The following SLC23A2 variants were observed in gnomAD, a reference collection of about 807,000 sequenced individuals.
SLC23A2 encodes solute carrier family 23 member 2, also known as Na(+)/L-ascorbic acid transporter 2.
Under a neutral mutation model 73.3 loss-of-function variants are expected in SLC23A2, and 36 were observed. The observed-to-expected ratio is 0.49, with a 90% CI of 0.38 to 0.65. The LOEUF is 0.65. Ranked by LOEUF, SLC23A2 falls within the 30% of genes least tolerant of loss-of-function variation. The pLI is 0.00. For missense variants in SLC23A2, 507 were observed against 841.6 expected (o/e 0.60, Z 4.92); for synonymous variants, 343 against 327.3 (o/e 1.05, Z -0.52).
Position 4,857,283 on chromosome 20 carries a change from TACACACACACACACAC to T in SLC23A2, c.1721-95_1721-80del, listed in dbSNP as rs398035250. On this transcript the variant is annotated intron_variant, in intron 16 of 16. Coordinates refer to ENST00000338244, the MANE Select transcript of SLC23A2 (RefSeq NM_005116.6). The surrounding 1 kb of genome is among the most constrained non-coding windows in gnomAD (Gnocchi z 4.0). ...GAAAATGAAACTGTCGTCAAACACA[TACACACACACACACAC>T]ACACACACACACACACACACACACA... 0.089 allele frequency: 37,233 copies of T among 420,422 alleles called. 601 individuals carry two copies. Among genetic ancestry groups the T allele is most frequent in the African/African-American group, 0.097 (4,444 of 45,600 alleles). The allele number at this position is 420,422 out of a possible 1,614,324, so 26.0% of individuals were successfully genotyped here.
chr20:4,880,617 A>G (rs146461770), intron 9 of SLC23A2, among the ~76,000 whole-genome samples: 73 of 152,190 alleles, frequency 4.8e-4, no homozygotes, highest in African/African-American at 1.6e-3. Context: ...AGAGATAGAA[A>G]ACAGGAGAGG....
chr20:4,944,803 CA>C (rs1295169740), intron 2 of SLC23A2, among the ~76,000 whole-genome samples: 1 of 152,206 alleles, frequency 6.6e-6, no homozygotes, highest in Non-Finnish European at 1.5e-5. Flanking sequence ...AAGCACATTT[CA>C]AAAGCCAATC....
At chr20:4,888,591 T>A (rs1931195049) in intron 6 of SLC23A2, among the ~76,000 whole-genome samples, 1 of 152,156 alleles carries the variant, frequency 6.6e-6, no homozygotes, top group Non-Finnish European at 1.5e-5. Context: ...CTTACTTTAT[T>A]CAAAACCCTG....
In SLC23A2 at chr20:4,869,789, G is replaced by T; in HGVS notation, c.1250+117C>A. On this transcript the variant is annotated intron_variant, in intron 12 of 16. Transcript: ENST00000338244. ...TGCATCAAACAGTCGCTAGAGTCCT[G>T]CTGCTTGGCTGGGCTCCTGCTGAAA... 4.6e-6 allele frequency: 4 copies of T among 864,764 alleles called. No individual in the cohort carries two copies. The South Asian group carries it at 7.1e-5, about 15-fold the overall frequency. 53.6% of individuals were successfully genotyped at this position (864,764 alleles called of 1,614,324 possible). A position where few individuals can be genotyped will look rare whatever the true frequency, so the allele number is the denominator to read the frequency against.
At chr20:4,894,022 G>A (rs1209018884) in intron 6 of SLC23A2, among the ~76,000 whole-genome samples, 1 of 152,174 alleles carries the variant, frequency 6.6e-6, no homozygotes, top group Non-Finnish European at 1.5e-5. Flanking sequence ...AATGACGGCT[G>A]CAGGCTGGCT....
Position 4,893,756 on chromosome 20 carries a change from C to G in SLC23A2, c.482+5799G>C, listed in dbSNP as rs145353721. 2.2e-3 allele frequency among the ~76,000 whole-genome samples: 336 copies of G among 152,342 alleles called. 2 individuals carry two copies. Among genetic ancestry groups the G allele is most frequent in the African/African-American group, 7.8e-3 (323 of 41,578 alleles). On this transcript the variant is annotated intron_variant, in intron 6 of 16. Transcript: ENST00000338244. ...ACATGAACATGCTGTGTGCCTACAG[C>G]AGGCCTGAGAACGGCCAGGAGGGCT...
rs1429037874 is a variant in SLC23A2, at chr20:4,947,784, A to G, written c.-154-15068T>C. On this transcript the variant is annotated intron_variant, in intron 2 of 16. Coordinates refer to ENST00000338244, the MANE Select transcript of SLC23A2 (RefSeq NM_005116.6). This position sits in a 1 kb window ranked among gnomAD's most constrained non-coding sequence, Gnocchi z 4.4. ...AACGAGACTCTGAAGAAAAGGCCAA[A>G]AGACCAGAATAGGCCTGAGAAGGTC... Among the ~76,000 whole-genome samples the G allele has an allele frequency of 6.6e-6, 1 of 152,254 alleles. No individual in the cohort carries two copies. Among genetic ancestry groups the G allele is most frequent in the Non-Finnish European group, 1.5e-5 (1 of 68,042 alleles).
intron 3 of SLC23A2, among the ~76,000 whole-genome samples, chr20:4,920,728 C>G (rs1209435692): frequency 6.6e-6 from 1 of 152,172 alleles, no homozygotes; most frequent in East Asian, 1.9e-4. Context: ...TCTGTAGATA[C>G]AGACACTTCC....
chr20:4,920,958 G>A (rs967934124), intron 3 of SLC23A2, among the ~76,000 whole-genome samples: 2 of 152,182 alleles, frequency 1.3e-5, no homozygotes, highest in Non-Finnish European at 2.9e-5. Context: ...AAGGGGCTAG[G>A]GAGAAGAATA....
At chr20:4,958,308 TC>T (rs1017472854) in intron 2 of SLC23A2, among the ~76,000 whole-genome samples, 4 of 152,186 alleles carry the variant, frequency 2.6e-5, no homozygotes, top group African/African-American at 9.6e-5. Context: ...TTTCTGCACT[TC>T]TCTTTTTAGT....
chr20:4,880,227 T>C (rs1462083193), intron 9 of SLC23A2, among the ~76,000 whole-genome samples: 1 of 152,222 alleles, frequency 6.6e-6, no homozygotes, highest in African/African-American at 2.4e-5. Context: ...TGCAAGTTAG[T>C]GCATATAGTC....
intron 1 of SLC23A2, among the ~76,000 whole-genome samples, chr20:4,987,802 C>G (rs539548236): frequency 6.6e-6 from 1 of 151,268 alleles, no homozygotes; most frequent in Admixed American, 6.6e-5. Context: ...GAGCCGATCA[C>G]GCCACTGTGC....
chr20:4,925,867 C>T (rs140609753), intron 3 of SLC23A2, among the ~76,000 whole-genome samples: 1,563 of 152,252 alleles, frequency 0.01, 26 homozygotes, highest in African/African-American at 0.028. Context: ...TTCATCTGAC[C>T]GGCAAGGCCC....
chr20:4,992,692 T>G (rs2087947642), intron 1 of SLC23A2, among the ~76,000 whole-genome samples: 1 of 151,708 alleles, frequency 6.6e-6, no homozygotes. Context: ...GTATTTTTAG[T>G]AGAGACGGGG....
chr20:4,974,321 G>A (rs1013898713), intron 1 of SLC23A2, among the ~76,000 whole-genome samples: 1 of 152,018 alleles, frequency 6.6e-6, no homozygotes, highest in Non-Finnish European at 1.5e-5. Flanking sequence ...TACAAAATTA[G>A]CCAGGCATGG....
At chr20:4,966,653 C>T (rs1300068986) in intron 2 of SLC23A2, among the ~76,000 whole-genome samples, 4 of 151,980 alleles carry the variant, frequency 2.6e-5, no homozygotes, top group African/African-American at 9.7e-5. Flanking sequence ...AATGTAGCTA[C>T]CTCAAAATTA....
intron 6 of SLC23A2, among the ~76,000 whole-genome samples, chr20:4,890,912 T>G (rs936951804): frequency 2.0e-5 from 3 of 152,196 alleles, no homozygotes; most frequent in African/African-American, 7.2e-5. Context: ...TAAAAACCTA[T>G]GTCTATCAAT....
intron 2 of SLC23A2, among the ~76,000 whole-genome samples, chr20:4,952,103 C>CAAAAAAAAAAAAAAAAAA (rs57832305): frequency 4.9e-5 from 2 of 40,534 alleles, no homozygotes; most frequent in Non-Finnish European, 9.7e-5. Flanking sequence ...GACTCTGACT[C>CAAAAAAAAAAAAAAAAAA]AAAAAAAAAA....
In SLC23A2 at chr20:4,856,817, C is replaced by T; in HGVS notation, c.*155G>A. The T allele has an allele frequency of 1.6e-6, 1 of 612,436 alleles. No individual in the cohort carries two copies. 37.9% of individuals were successfully genotyped at this position (612,436 alleles called of 1,614,324 possible). ...GGCGAGACACCGCATCAGGCACCATCACCCTCACAGCAGAAAAGTGATTCG... is the reference window on the plus strand; with the variant it reads ...GGCGAGACACCGCATCAGGCACCATTACCCTCACAGCAGAAAAGTGATTCG... On this transcript the variant is annotated 3_prime_UTR_variant, in exon 17 of 17. Coordinates refer to ENST00000338244, the MANE Select transcript of SLC23A2 (RefSeq NM_005116.6). This position sits in a 1 kb window ranked among gnomAD's most constrained non-coding sequence, Gnocchi z 4.6.
Sources: allele counts gnomAD v4.1 joint callset (sites outside exome capture counted in the v4.1 genomes callset), GRCh38; gene constraint gnomAD v4.1.1; non-coding constraint Gnocchi (gnomAD v3.1); transcripts MANE v1.5; gene names NCBI Gene and HGNC (gene_info 2026-07-23, HGNC 2026-07-21).